The following TNPO1 variants were observed in gnomAD, a reference collection of about 807,000 sequenced individuals.
The protein encoded by TNPO1 is transportin-1.
TNPO1 carries 8 observed loss-of-function variants against 119.5 expected under a neutral mutation model. The ratio of observed to expected loss-of-function variants is 0.07; its 90% CI spans 0.04 to 0.12. The LOEUF (loss-of-function observed/expected upper bound fraction) is 0.12, where lower values mean the gene tolerates loss of function less well. Among genes scored for constraint, TNPO1 ranks in the 10% least tolerant of loss-of-function variants. TNPO1 has a pLI of 1.00. For synonymous variants in TNPO1, 362 were observed against 363.0 expected (o/e 1.00, Z 0.03); for missense variants, 576 against 1,089.8 (o/e 0.53, Z 6.64).
At chr5:72,873,646 T>C (rs1488804984) in intron 7 of TNPO1, among the ~76,000 whole-genome samples, 3 of 152,150 alleles carry the variant, frequency 2.0e-5, no homozygotes, top group Non-Finnish European at 4.4e-5. Context: ...GTGTTTTCTT[T>C]CAGTCTAGTC....
Position 72,824,538 on chromosome 5 carries a change from T to G in TNPO1, c.15+7786T>G, listed in dbSNP as rs567775818. 3.9e-5 allele frequency among the ~76,000 whole-genome samples: 6 copies of G among 152,338 alleles called. No individual in the cohort carries two copies. In the East Asian group the frequency reaches 1.2e-3, roughly 29 times the overall value. On this transcript the variant is annotated intron_variant, in intron 1 of 24. Transcript: ENST00000337273. ...ACCTGTCAGCAGCATTTGACACAGC[T>G]GTTTGCTTCCCTTAGCCTTGAAACC... is the stretch of plus-strand genomic sequence containing the variant.
intron 1 of TNPO1, among the ~76,000 whole-genome samples, chr5:72,842,858 A>G (rs1744976327): frequency 6.6e-6 from 1 of 152,206 alleles, no homozygotes; most frequent in South Asian, 2.1e-4. Context: ...GCTTTGTATT[A>G]TCCTTAAGAT....
At chr5:72,893,805 A>G in intron 18 of TNPO1, 102 bp downstream of exon 18, 3 of 1,087,028 alleles carry the variant, frequency 2.8e-6, no homozygotes, top group South Asian at 1.4e-5. Context: ...GAATCCCAAC[A>G]TTTATAAATG....
rs200118076 is a variant in TNPO1 at position 72,870,158 on chromosome 5, C to CTTTTT, written c.597-2466_597-2462dup. ...ATAGTCATTTTCACAATACTAATTG[C>CTTTTT]TTTTTTTTTTTTTTTTTTTGAGACG... On this transcript the variant is annotated intron_variant, in intron 6 of 24. Transcript: ENST00000337273. 3.5e-3 allele frequency among the ~76,000 whole-genome samples: 370 copies of CTTTTT among 106,140 alleles called. 14 individuals are homozygous for CTTTTT. The highest frequency in any genetic ancestry group is 6.1e-3 in the Middle Eastern group (1 of 164). The allele number at this position is 106,140 out of a possible 152,430, so 69.6% of individuals were successfully genotyped here.
rs1481823064 is a variant in TNPO1 at position 72,896,322 on chromosome 5, G to A, written c.2144-136G>A. The A allele has an allele frequency of 6.2e-6, 3 of 483,494 alleles. 1 individual carries two copies. Among genetic ancestry groups the A allele is most frequent in the African/African-American group, 4.1e-5 (2 of 49,124 alleles). 30.0% of individuals were successfully genotyped at this position (483,494 alleles called of 1,614,324 possible). ...GTTTATTTCCACCAATTTTAAAATT[G>A]ATGTTGCAGTAATTTTTTTAATGGT... On this transcript the variant is annotated intron_variant, in intron 18 of 24. Coordinates refer to ENST00000337273, the MANE Select transcript of TNPO1 (RefSeq NM_002270.4).
At chr5:72,886,920 T>C (rs1748693110) in intron 11 of TNPO1, 150 bp from the exon 12 acceptor site, 1 of 540,890 alleles carries the variant, frequency 1.8e-6, no homozygotes, top group Non-Finnish European at 2.7e-6. Context: ...AACCACAAAA[T>C]GTTTTCACGT....
chr5:72,864,252 G>C (rs1004564886), intron 5 of TNPO1, among the ~76,000 whole-genome samples: 1 of 152,030 alleles, frequency 6.6e-6, no homozygotes, highest in Non-Finnish European at 1.5e-5. Context: ...TTAAATTTTA[G>C]ACTTAAAAAT....
At chr5:72,869,477 G>A (rs1295539248) in intron 6 of TNPO1, among the ~76,000 whole-genome samples, 2 of 152,172 alleles carry the variant, frequency 1.3e-5, no homozygotes, top group East Asian at 1.9e-4. Flanking sequence ...AACCCAGGAG[G>A]CGGAGGTTGT....
At chr5:72,835,187 T>G (rs1744647421) in intron 1 of TNPO1, among the ~76,000 whole-genome samples, 1 of 152,172 alleles carries the variant, frequency 6.6e-6, no homozygotes, top group African/African-American at 2.4e-5. Context: ...TGACTAAGTT[T>G]TTGCCCGTAT....
At chr5:72,821,118 A>C (rs187447230) in intron 1 of TNPO1, among the ~76,000 whole-genome samples, 1 of 152,340 alleles carries the variant, frequency 6.6e-6, no homozygotes, top group Admixed American at 6.5e-5. Flanking sequence ...AACAAGCAAA[A>C]AAATATGTGT....
chr5:72,848,357 C>T (rs371153104), intron 1 of TNPO1, 28 bp from the exon 2 acceptor site: 5 of 1,602,828 alleles, frequency 3.1e-6, no homozygotes, highest in African/African-American at 2.7e-5. Context: ...GTTGCTCCGT[C>T]TCTTCCTGTG....
intron 4 of TNPO1, 80 bp downstream of exon 4, chr5:72,856,003 A>G (rs1745971097): frequency 9.6e-6 from 14 of 1,453,774 alleles, no homozygotes; most frequent in Non-Finnish European, 1.2e-5. Flanking sequence ...TTCCTTAGGA[A>G]TTTTTGTCTG....
chr5:72,831,226 G>A (rs894868805), intron 1 of TNPO1, among the ~76,000 whole-genome samples: 1 of 152,038 alleles, frequency 6.6e-6, no homozygotes, highest in African/African-American at 2.4e-5. Flanking sequence ...CATTGTAGAA[G>A]AATATAGGCC....
intron 1 of TNPO1, among the ~76,000 whole-genome samples, chr5:72,835,497 A>G (rs1404855151): frequency 6.6e-6 from 1 of 152,188 alleles, no homozygotes; most frequent in African/African-American, 2.4e-5. Flanking sequence ...GGACGAAGGG[A>G]TGTGCCCTCA....
chr5:72,869,561 A>G (rs1747222226), intron 6 of TNPO1, among the ~76,000 whole-genome samples: 2 of 152,188 alleles, frequency 1.3e-5, no homozygotes, highest in Non-Finnish European at 2.9e-5. Flanking sequence ...AAATAAATAA[A>G]GACAGTTTTA....
intron 1 of TNPO1, among the ~76,000 whole-genome samples, chr5:72,841,497 G>T (rs1744913320): frequency 6.6e-6 from 1 of 151,670 alleles, no homozygotes; most frequent in African/African-American, 2.4e-5. Context: ...GATTACAGGG[G>T]CATGCCACCA....
intron 22 of TNPO1, among the ~76,000 whole-genome samples, chr5:72,903,177 T>C (rs190466158): frequency 1.3e-3 from 196 of 152,294 alleles, no homozygotes; most frequent in Non-Finnish European, 1.8e-3. Flanking sequence ...CTTGTTTGGA[T>C]TGGGTATTTG....
At chr5:72,840,016 G>T (rs1299798246) in intron 1 of TNPO1, among the ~76,000 whole-genome samples, 1 of 152,164 alleles carries the variant, frequency 6.6e-6, no homozygotes. Context: ...TGAAAAGCAA[G>T]GTGCAGTTAT....
At chr5:72,863,428 A>G (rs1016280538) in intron 5 of TNPO1, among the ~76,000 whole-genome samples, 4 of 152,092 alleles carry the variant, frequency 2.6e-5, no homozygotes, top group African/African-American at 4.8e-5. Context: ...GTAAAACCCT[A>G]TTAGAAGAAA....
Sources: allele counts gnomAD v4.1 joint callset (sites outside exome capture counted in the v4.1 genomes callset), GRCh38; gene constraint gnomAD v4.1.1; transcripts MANE v1.5; gene names NCBI Gene and HGNC (gene_info 2026-07-23, HGNC 2026-07-21).